The following BIN3 variants were observed in gnomAD, a reference collection of about 807,000 sequenced individuals.
BIN3 encodes the protein bridging integrator 3.
Under a neutral mutation model 38.2 loss-of-function variants are expected in BIN3, and 41 were observed. The observed-to-expected ratio is 1.07, with a 90% CI of 0.84 to 1.39. BIN3 has a LOEUF of 1.39. Ranked by LOEUF, BIN3 falls within the 40% of genes most tolerant of loss-of-function variation. The pLI, the probability that BIN3 is intolerant of heterozygous loss-of-function variation, is 0.00. For missense variants in BIN3, 361 were observed against 324.3 expected (o/e 1.11, Z -0.87); for synonymous variants, 145 against 122.6 (o/e 1.18, Z -1.21).
intron 2 of BIN3, among the ~76,000 whole-genome samples, chr8:22,643,714 G>A (rs1220370347): frequency 6.6e-6 from 1 of 152,242 alleles, no homozygotes; most frequent in East Asian, 1.9e-4. Flanking sequence ...CCACACTGAA[G>A]CAATCTCTTT....
intron 2 of BIN3, among the ~76,000 whole-genome samples, chr8:22,642,442 A>C (rs368595753): frequency 6.6e-6 from 1 of 152,126 alleles, no homozygotes; most frequent in East Asian, 1.9e-4. Context: ...GCAAATAACT[A>C]CTCCGAGCTG....
rs1802657466 is a variant in BIN3, at chr8:22,644,586, GC to G, written c.57+168del. ...TAGGGGAAGTGTCCCAGGACAGGAG[GC>G]CCCTCTAAGCCTCAGTCTATGTGAG... On this transcript the variant is annotated intron_variant, in intron 2 of 8. Transcript: ENST00000276416. 3 of 628,748 alleles carry G rather than the reference GC, an allele frequency of 4.8e-6. No homozygotes were observed. The East Asian group carries it at 8.7e-5, about 18-fold the overall frequency. The allele number at this position is 628,748 out of a possible 1,614,324, so 38.9% of individuals were successfully genotyped here.
At chr8:22,623,339 G>A (rs994107983) in intron 8 of BIN3, among the ~76,000 whole-genome samples, 17 of 152,176 alleles carry the variant, frequency 1.1e-4, no homozygotes, top group African/African-American at 3.9e-4. Flanking sequence ...GGCCTGGCCC[G>A]TGTCTGACCC....
intron 2 of BIN3, among the ~76,000 whole-genome samples, chr8:22,639,200 G>A (rs1041002074): frequency 1.3e-5 from 2 of 151,958 alleles, no homozygotes; most frequent in Non-Finnish European, 2.9e-5. Context: ...TATGAACTCT[G>A]ATACTAGCTG....
At chr8:22,644,244 G>C (rs139096512) in intron 2 of BIN3, among the ~76,000 whole-genome samples, 44 of 152,368 alleles carry the variant, frequency 2.9e-4, no homozygotes, top group Non-Finnish European at 3.2e-4. Context: ...TGGGCTTAAA[G>C]GGGGGTGGGA....
intron 1 of BIN3, among the ~76,000 whole-genome samples, chr8:22,666,428 AAGAG>A (rs1563173284): frequency 1.3e-5 from 2 of 149,582 alleles, no homozygotes; most frequent in African/African-American, 4.9e-5. Context: ...GGGAGAGAAA[AAGAG>A]AGCGAGAGAG....
chr8:22,636,663 C>T (rs1482562903), intron 3 of BIN3, 77 bp from the exon 4 acceptor site: 2 of 1,455,256 alleles, frequency 1.4e-6, no homozygotes, highest in African/African-American at 1.4e-5. Context: ...CTCTGGAGGG[C>T]CTGCCAAGGA....
At chr8:22,652,446 C>T (rs975642097) in intron 1 of BIN3, among the ~76,000 whole-genome samples, 2 of 152,218 alleles carry the variant, frequency 1.3e-5, no homozygotes, top group African/African-American at 4.8e-5. Context: ...CAACCTTCTG[C>T]CATTCTGGGA....
At chr8:22,661,349 A>ATTTT (rs1563985988) in intron 1 of BIN3, among the ~76,000 whole-genome samples, 7 of 66,812 alleles carry the variant, frequency 1.0e-4, no homozygotes, top group African/African-American at 4.3e-4. Context: ...TGAATGTATC[A>ATTTT]TTCTTTTTTT....
At chr8:22,628,188 A>C (rs1382435322) in intron 6 of BIN3, among the ~76,000 whole-genome samples, 1 of 152,172 alleles carries the variant, frequency 6.6e-6, no homozygotes, top group Non-Finnish European at 1.5e-5. Flanking sequence ...CAGGAAAGGG[A>C]AATTGAAAGC....
chr8:22,643,120 C>A (rs550998186), intron 2 of BIN3, among the ~76,000 whole-genome samples: 93 of 152,226 alleles, frequency 6.1e-4, no homozygotes, highest in Non-Finnish European at 1.1e-3. Context: ...CCTCTTGAAA[C>A]CACTTCCCTT....
chr8:22,649,676 A>G (rs1406259141), intron 1 of BIN3, among the ~76,000 whole-genome samples: 1 of 152,122 alleles, frequency 6.6e-6, no homozygotes, highest in Non-Finnish European at 1.5e-5. Context: ...TGCACTTTCC[A>G]CATTTTTCTT....
chr8:22,624,298 T>C lies in BIN3; in HGVS notation c.404A>G (p.Tyr135Cys). ...VKRREQALQDYRRLQAKVEKY... is the reference protein window; with the variant it reads ...VKRREQALQDCRRLQAKVEKY... ...CTCCACCTTGGCCTGCAGCCTCCTG[T>C]AGTCCTGCAAGGCCTGTTCCCGCCT... Residue 135 changes from tyrosine to cysteine, a missense_variant, in exon 7 of 9, where the codon TAC becomes TGC. Physicochemically the swap from Tyr to Cys is radical, Grantham distance 194 (BLOSUM62 -2). Coordinates refer to ENST00000276416, the MANE Select transcript of BIN3 (RefSeq NM_018688.6). 6.2e-7 allele frequency: 1 copy of C among 1,613,950 alleles called. No homozygotes were observed. Among genetic ancestry groups the C allele is most frequent in the Non-Finnish European group, 8.5e-7 (1 of 1,179,880 alleles).
chr8:22,627,947 G>A (rs565548724), intron 6 of BIN3, among the ~76,000 whole-genome samples: 6 of 152,356 alleles, frequency 3.9e-5, no homozygotes, highest in African/African-American at 9.6e-5. Context: ...GAAGGGGGCC[G>A]GGCTGGGCCC....
At chr8:22,653,866 C>T (rs555829707) in intron 1 of BIN3, among the ~76,000 whole-genome samples, 4 of 147,430 alleles carry the variant, frequency 2.7e-5, no homozygotes, top group African/African-American at 9.9e-5. Flanking sequence ...CTTTGTGTCC[C>T]CTGGTACAGA....
intron 1 of BIN3, 42 bp downstream of exon 1, chr8:22,669,002 G>A (rs749980281): frequency 5.3e-5 from 82 of 1,558,514 alleles, no homozygotes; most frequent in African/African-American, 4.9e-4. Flanking sequence ...GGCCTCGCGG[G>A]TCCGCGGGTC....
intron 2 of BIN3, among the ~76,000 whole-genome samples, chr8:22,637,331 G>A (rs867233966): frequency 1.3e-5 from 2 of 152,202 alleles, no homozygotes; most frequent in South Asian, 2.1e-4. Context: ...AGAGTGCAGA[G>A]GAGAGGGCGG....
intron 6 of BIN3, 95 bp downstream of exon 6, chr8:22,629,869 G>A: frequency 1.6e-6 from 2 of 1,242,050 alleles, no homozygotes; most frequent in Non-Finnish European, 2.3e-6. Flanking sequence ...TGGGAATCTG[G>A]GGACACGCAG....
intron 3 of BIN3, 104 bp downstream of exon 3, chr8:22,636,818 C>G (rs1802381442): frequency 7.5e-7 from 1 of 1,328,322 alleles, no homozygotes; most frequent in Admixed American, 1.8e-5. Flanking sequence ...CCCTCAGCTT[C>G]CAGGGTGCTC....
Sources: allele counts gnomAD v4.1 joint callset (sites outside exome capture counted in the v4.1 genomes callset), GRCh38; gene constraint gnomAD v4.1.1; transcripts MANE v1.5; gene names NCBI Gene and HGNC (gene_info 2026-07-23, HGNC 2026-07-21).